The following GLIPR1L2 variants were observed in gnomAD, a reference collection of about 807,000 sequenced individuals.
GLIPR1L2 encodes the protein GLIPR1-like protein 2.
A neutral mutation model predicts 28.4 loss-of-function variants in GLIPR1L2; 21 were observed. The observed-to-expected ratio is 0.74, with a 90% CI of 0.52 to 1.06. GLIPR1L2 has a LOEUF of 1.06. Among genes scored for constraint, GLIPR1L2 ranks in the 50% least tolerant of loss-of-function variants. The probability of loss-of-function intolerance (pLI) is 0.00; values close to 1 mark genes in which losing one functional copy is unlikely to be tolerated. For synonymous variants in GLIPR1L2, 145 were observed against 139.3 expected (o/e 1.04, Z -0.29); for missense variants, 476 against 416.9 (o/e 1.14, Z -1.23).
chr12:75,431,264 G>C lies in GLIPR1L2; in HGVS notation c.*103G>C. ...AAAGTAAAACACTGAGTTTTAACAA[G>C]AAAGAAAATATGCAAACCACCATTG... On this transcript the variant is annotated 3_prime_UTR_variant, in exon 6 of 6. Transcript: ENST00000550916. 3.4e-6 allele frequency: 2 copies of C among 583,060 alleles called. No individual in the cohort carries two copies. 36.1% of individuals were successfully genotyped at this position (583,060 alleles called of 1,614,324 possible).
intron 1 of GLIPR1L2, among the ~76,000 whole-genome samples, chr12:75,409,748 T>G (rs1404763521): frequency 1.4e-5 from 2 of 145,960 alleles, no homozygotes; most frequent in Non-Finnish European, 3.0e-5. Context: ...AAGATGTATA[T>G]CTAATCCGAT....
At position 75,432,045 on chromosome 12, in the gene GLIPR1L2, TC is replaced by T. The variant is rs542242695; in HGVS notation, c.*886del. 2.0e-3 allele frequency: 303 copies of T among 152,202 alleles called. 1 individual carries two copies. Among genetic ancestry groups the T allele is most frequent in the African/African-American group, 7.0e-3 (292 of 41,560 alleles). 9.4% of individuals were successfully genotyped at this position (152,202 alleles called of 1,614,324 possible). On this transcript the variant is annotated 3_prime_UTR_variant, in exon 6 of 6. Transcript: ENST00000550916. ...GCACTAGATGACCACTAAGACCTCTTCCATCAATGAATATTCATGGATCAAC... is the reference window on the plus strand; with the variant it reads ...GCACTAGATGACCACTAAGACCTCTTCATCAATGAATATTCATGGATCAAC...
intron 1 of GLIPR1L2, among the ~76,000 whole-genome samples, chr12:75,395,649 TTATTA>T (rs1394019718): frequency 6.6e-6 from 1 of 151,492 alleles, no homozygotes; most frequent in Non-Finnish European, 1.5e-5. Flanking sequence ...AATTATTATT[TTATTA>T]TTTTTATTAA....
chr12:75,426,930 C>T (rs2139966719), intron 4 of GLIPR1L2, among the ~76,000 whole-genome samples: 1 of 151,950 alleles, frequency 6.6e-6, no homozygotes, highest in East Asian at 1.9e-4. Context: ...ATGACATTCA[C>T]CAAAAAGAAG....
chr12:75,410,839 C>T (rs1299692998), intron 2 of GLIPR1L2, among the ~76,000 whole-genome samples, 160 bp downstream of exon 2: 1 of 151,674 alleles, frequency 6.6e-6, no homozygotes. Flanking sequence ...AAATGTCTAC[C>T]ATCCCATCTT....
chr12:75,408,389 T>C (rs1472518932), intron 1 of GLIPR1L2, among the ~76,000 whole-genome samples: 1 of 151,728 alleles, frequency 6.6e-6, no homozygotes, highest in Non-Finnish European at 1.5e-5. Flanking sequence ...ACATTTAAAC[T>C]ACTTAACCTC....
intron 3 of GLIPR1L2, among the ~76,000 whole-genome samples, chr12:75,413,915 A>G: frequency 6.6e-6 from 1 of 152,120 alleles, no homozygotes; most frequent in Middle Eastern, 3.4e-3. Flanking sequence ...TCCTGGAGTA[A>G]CCTTCACTTT....
chr12:75,429,431 A>T (rs2046068082), intron 4 of GLIPR1L2, among the ~76,000 whole-genome samples: 1 of 152,192 alleles, frequency 6.6e-6, no homozygotes, highest in South Asian at 2.1e-4. Flanking sequence ...TCTTAGAAGT[A>T]ACTAACTTGC....
intron 3 of GLIPR1L2, among the ~76,000 whole-genome samples, chr12:75,419,908 A>T (rs1281569994): frequency 6.6e-6 from 1 of 152,194 alleles, no homozygotes; most frequent in East Asian, 1.9e-4. Flanking sequence ...TTGCAGAAAG[A>T]CAGCCAGATG....
At chr12:75,413,395 A>G (rs1414846600) in intron 2 of GLIPR1L2, among the ~76,000 whole-genome samples, 1 of 151,944 alleles carries the variant, frequency 6.6e-6, no homozygotes, top group Non-Finnish European at 1.5e-5. Flanking sequence ...GGTAGAACCT[A>G]TTGAAGTATT....
chr12:75,391,126 G>T lies in GLIPR1L2; in HGVS notation c.10G>T (p.Ala4Ser), dbSNP rs368593598. The change falls in exon 1 of 6, where the codon GCA (alanine) becomes TCA (serine). Residue 4 changes from alanine to serine, a missense_variant. By Grantham distance (99) the Ala-to-Ser change is moderately conservative. Coordinates refer to ENST00000550916, the MANE Select transcript of GLIPR1L2 (RefSeq NM_001270396.2). ...CAGCGGCCGGTGGACCATGGAGGCCGCAAGGCCCTTCGCCCGGGAGTGGAG... is the reference window on the plus strand; with the variant it reads ...CAGCGGCCGGTGGACCATGGAGGCCTCAAGGCCCTTCGCCCGGGAGTGGAG... MEA[A>S]RPFAREWRAQ... is the part of the protein sequence containing the mutation. 3.7e-5 allele frequency: 60 copies of T among 1,612,474 alleles called. No individual in the cohort carries two copies. Among genetic ancestry groups the T allele is most frequent in the Non-Finnish European group, 4.7e-5 (56 of 1,179,200 alleles).
chr12:75,413,598 C>G lies in GLIPR1L2; in HGVS notation c.481C>G (p.Leu161Val). 2 of 1,526,114 alleles carry G rather than the reference C, an allele frequency of 1.3e-6. No homozygotes were observed. Among genetic ancestry groups the G allele is most frequent in the Non-Finnish European group, 1.8e-6 (2 of 1,135,606 alleles). 94.5% of individuals were successfully genotyped at this position (1,526,114 alleles called of 1,614,324 possible). A position where few individuals can be genotyped will look rare whatever the true frequency, so the allele number is the denominator to read the frequency against. The change falls in exon 3 of 6, where the codon CTT (leucine) becomes GTT (valine). Residue 161 changes from leucine (L) to valine (V), a missense_variant and splice_region_variant. By Grantham distance (32) the Leu-to-Val change is conservative. Transcript: ENST00000550916. ...CSGDCSNYIQ[L>V]VWDHSYKVGC... ...GTCTTTCTTGAAAATTTTATTTTAG[C>G]TTGTTTGGGACCACTCTTACAAAGT...
At chr12:75,397,828 C>G (rs2045696591) in intron 1 of GLIPR1L2, among the ~76,000 whole-genome samples, 1 of 152,110 alleles carries the variant, frequency 6.6e-6, no homozygotes, top group Non-Finnish European at 1.5e-5. Context: ...CCTGATTTTT[C>G]CGCAAATATT....
At chr12:75,407,952 T>G (rs1319331801) in intron 1 of GLIPR1L2, among the ~76,000 whole-genome samples, 1 of 151,972 alleles carries the variant, frequency 6.6e-6, no homozygotes. Flanking sequence ...TTTAATGGAG[T>G]CCACCAAATG....
At chr12:75,392,530 C>CT (rs2045636773) in intron 1 of GLIPR1L2, among the ~76,000 whole-genome samples, 1 of 152,030 alleles carries the variant, frequency 6.6e-6, no homozygotes, top group South Asian at 2.1e-4. Context: ...GTTCTATCTG[C>CT]TGAAGATACT....
At chr12:75,392,813 A>G (rs982902390) in intron 1 of GLIPR1L2, among the ~76,000 whole-genome samples, 8 of 152,056 alleles carry the variant, frequency 5.3e-5, no homozygotes, top group Non-Finnish European at 1.0e-4. Flanking sequence ...TTAAATATAG[A>G]CATTTTTAAA....
chr12:75,419,889 T>C (rs776535128), intron 3 of GLIPR1L2, among the ~76,000 whole-genome samples: 1 of 152,196 alleles, frequency 6.6e-6, no homozygotes, highest in Non-Finnish European at 1.5e-5. Flanking sequence ...AAGACAAATA[T>C]ATTAGATGTT....
At chr12:75,417,974 A>C (rs2045939668) in intron 3 of GLIPR1L2, among the ~76,000 whole-genome samples, 1 of 152,132 alleles carries the variant, frequency 6.6e-6, no homozygotes. Flanking sequence ...TTATTAACTG[A>C]CCTAGGAAAA....
At chr12:75,423,316 G>A (rs2045998360) in intron 4 of GLIPR1L2, 1 of 1,123,566 alleles carries the variant, frequency 8.9e-7, no homozygotes, top group Non-Finnish European at 1.1e-6. Flanking sequence ...CTGCTTTAAA[G>A]GATAGTATAT....
Sources: allele counts gnomAD v4.1 joint callset (sites outside exome capture counted in the v4.1 genomes callset), GRCh38; gene constraint gnomAD v4.1.1; transcripts MANE v1.5; gene names NCBI Gene and HGNC (gene_info 2026-07-23, HGNC 2026-07-21).